The following FMO4 variants were observed in gnomAD, a reference collection of about 807,000 sequenced individuals.
FMO4 encodes dimethylaniline monooxygenase [N-oxide-forming] 4.
In FMO4, 38 loss-of-function variants were observed where a neutral mutation model predicts 43.3. The ratio of observed to expected loss-of-function variants is 0.88; its 90% CI spans 0.68 to 1.15. The LOEUF (loss-of-function observed/expected upper bound fraction) is 1.15. FMO4 is among the 50% of genes most tolerant of loss of function. The probability of loss-of-function intolerance (pLI) is 0.00; values close to 1 mark genes in which losing one functional copy is unlikely to be tolerated. For missense variants in FMO4, 631 were observed against 663.3 expected (o/e 0.95, Z 0.54); for synonymous variants, 224 against 232.2 (o/e 0.96, Z 0.32).
intron 5 of FMO4, among the ~76,000 whole-genome samples, chr1:171,329,288 C>T (rs967039960): frequency 6.6e-5 from 10 of 152,032 alleles, no homozygotes; most frequent in Middle Eastern, 3.2e-3. Context: ...TTCAGAGAGA[C>T]GCTTTGTTAC....
At chr1:171,334,204 G>A (rs1051715278) in intron 7 of FMO4, among the ~76,000 whole-genome samples, 13 of 152,174 alleles carry the variant, frequency 8.5e-5, no homozygotes, top group African/African-American at 3.1e-4. Context: ...AGTAGGTTTA[G>A]TCATTTTCCA....
At chr1:171,330,122 T>C (rs371568449) in intron 5 of FMO4, among the ~76,000 whole-genome samples, 3 of 152,364 alleles carry the variant, frequency 2.0e-5, no homozygotes, top group South Asian at 4.1e-4. Context: ...AATCAATGAC[T>C]GAATAGGAGG....
intron 9 of FMO4, among the ~76,000 whole-genome samples, chr1:171,339,375 T>A (rs1663260447): frequency 6.6e-6 from 1 of 152,196 alleles, no homozygotes; most frequent in African/African-American, 2.4e-5. Flanking sequence ...GACTCAATAC[T>A]GGTATTCTGA....
intron 4 of FMO4, 33 bp downstream of exon 4, chr1:171,323,225 A>G (rs1288539239): frequency 7.0e-7 from 1 of 1,426,172 alleles, no homozygotes; most frequent in Admixed American, 1.8e-5. Flanking sequence ...AGATGAATAG[A>G]TGGGGGCTGG....
At chr1:171,326,028 T>G (rs1297441873) in intron 5 of FMO4, among the ~76,000 whole-genome samples, 1 of 151,476 alleles carries the variant, frequency 6.6e-6, no homozygotes, top group East Asian at 1.9e-4. Context: ...TTGTATTTTT[T>G]GCAGAGACGG....
rs1012046370 is a variant in FMO4, at chr1:171,314,295, T to A, written c.-269T>A. The A allele has an allele frequency of 1.3e-5, 2 of 152,018 alleles. No individual in the cohort carries two copies. The highest frequency in any genetic ancestry group is 1.5e-5 in the Non-Finnish European group (1 of 68,030). The allele number at this position is 152,018 out of a possible 1,614,324, so 9.4% of individuals were successfully genotyped here. On this transcript the variant is annotated 5_prime_UTR_variant, in exon 1 of 10. Coordinates refer to ENST00000367749, the MANE Select transcript of FMO4 (RefSeq NM_002022.3). Reference sequence around the variant, plus strand: ...ACTTTTACAAAAGTCATCTTTCCATTTATTTTTCTTTCAGAAAAAAGAATT... The same window carrying A: ...ACTTTTACAAAAGTCATCTTTCCATATATTTTTCTTTCAGAAAAAAGAATT...
At chr1:171,326,493 C>T (rs971095842) in intron 5 of FMO4, among the ~76,000 whole-genome samples, 1 of 152,156 alleles carries the variant, frequency 6.6e-6, no homozygotes, top group Non-Finnish European at 1.5e-5. Context: ...GAAACATTTC[C>T]AAGTTGCTTT....
At chr1:171,334,784 G>A (rs781440609) in intron 8 of FMO4, 21 bp downstream of exon 8, 11 of 1,434,372 alleles carry the variant, frequency 7.7e-6, no homozygotes, top group East Asian at 4.6e-5. Flanking sequence ...TCTACTGAAA[G>A]TCCTCTCTTT....
intron 1 of FMO4, among the ~76,000 whole-genome samples, chr1:171,315,223 T>C (rs1444014510): frequency 6.6e-6 from 1 of 151,964 alleles, no homozygotes; most frequent in Non-Finnish European, 1.5e-5. Flanking sequence ...ACCCAGGAGG[T>C]GGAGGTTGCA....
At chr1:171,324,400 G>A in intron 5 of FMO4, 100 bp downstream of exon 5, 1 of 871,306 alleles carries the variant, frequency 1.1e-6, no homozygotes, top group Non-Finnish European at 1.7e-6. Flanking sequence ...GATTATAGAT[G>A]GCTTTATATT....
chr1:171,336,312 G>A (rs80002592), intron 8 of FMO4, among the ~76,000 whole-genome samples: 3,416 of 152,186 alleles, frequency 0.022, 121 homozygotes, highest in African/African-American at 0.076. Flanking sequence ...GGGAGTATGG[G>A]TGTTCTAGGA....
chr1:171,336,487 G>C lies in FMO4; in HGVS notation c.1181-869G>C, dbSNP rs896383294. The stretch of plus-strand genomic sequence containing the variant: ...CTAGATGGGAGATTGGGAATGAGCA[G>C]GTCCTCACAACAAAAGCAGACAGAG... On this transcript the variant is annotated intron_variant, in intron 8 of 9. Coordinates refer to ENST00000367749, the MANE Select transcript of FMO4 (RefSeq NM_002022.3). 3.3e-5 allele frequency among the ~76,000 whole-genome samples: 5 copies of C among 152,282 alleles called. No individual in the cohort carries two copies. The East Asian group carries it at 9.7e-4, about 29-fold the overall frequency.
chr1:171,337,619 G>A (rs1293726697), intron 9 of FMO4, among the ~76,000 whole-genome samples, 194 bp downstream of exon 9: 1 of 152,164 alleles, frequency 6.6e-6, no homozygotes, highest in East Asian at 1.9e-4. Context: ...GTCATCTGGG[G>A]ACACCAGGTC....
Position 171,323,160 on chromosome 1 carries a change from C to A in FMO4, c.289C>A (p.His97Asn), listed in dbSNP as rs1227337681. 3 of 1,613,282 alleles carry A rather than the reference C, an allele frequency of 1.9e-6. No individual in the cohort carries two copies. The highest frequency in any genetic ancestry group is 2.5e-6 in the Non-Finnish European group (3 of 1,179,524). Residue 97 changes from histidine to asparagine, a missense_variant, in exon 4 of 10, where the codon CAC (histidine) becomes AAC (asparagine). By Grantham distance (68) the His-to-Asn change is moderately conservative. Coordinates refer to ENST00000367749, the MANE Select transcript of FMO4 (RefSeq NM_002022.3). ...GGACTATCTCCAAGAATTTGCTGAG[C>A]ACTTTGACCTCCTGAAATACATTCA... ...FWDYLQEFAE[H>N]FDLLKYIQFK...
In FMO4 at chr1:171,341,948, C is replaced by T. The variant is rs1243990663; in HGVS notation, c.*109C>T. ...AACTGCTATTAGCCAAATTCAGGCC[C>T]AGTCATCTCCTATCTGAATTATTGT... On this transcript the variant is annotated 3_prime_UTR_variant, in exon 10 of 10. Coordinates refer to ENST00000367749, the MANE Select transcript of FMO4 (RefSeq NM_002022.3). The T allele has an allele frequency of 9.4e-6, 7 of 741,126 alleles. No individual in the cohort carries two copies. Among genetic ancestry groups the T allele is most frequent in the Non-Finnish European group, 1.5e-5 (7 of 457,716 alleles). The allele number at this position is 741,126 out of a possible 1,614,324, so 45.9% of individuals were successfully genotyped here.
Position 171,341,424 on chromosome 1 carries a change from A to AAT in FMO4, c.1263_1264insTA (p.Asp422Ter). The stretch of plus-strand genomic sequence containing the variant: ...TTTTTTCCTCTCAGGGGAGTGTTTA[A>AAT]AGACACCAGCAAAGACAAATTTGAC... On this transcript the variant is annotated frameshift_variant, in exon 10 of 10. Transcript: ENST00000367749. LOFTEE classifies it low-confidence loss of function (END_TRUNC). 6.2e-7 allele frequency: 1 copy of AAT among 1,613,430 alleles called. No individual in the cohort carries two copies. The highest frequency in any genetic ancestry group is 8.5e-7 in the Non-Finnish European group (1 of 1,179,730).
intron 6 of FMO4, among the ~76,000 whole-genome samples, chr1:171,332,418 C>T (rs1662938850): frequency 6.6e-6 from 1 of 152,068 alleles, no homozygotes; most frequent in Admixed American, 6.6e-5. Context: ...ATTTTGCTTA[C>T]ATGTAAAAAA....
chr1:171,328,132 C>T (rs1662742205), intron 5 of FMO4, among the ~76,000 whole-genome samples: 1 of 152,066 alleles, frequency 6.6e-6, no homozygotes, highest in African/African-American at 2.4e-5. Context: ...CCTCCACCTC[C>T]CAGGTTCAAG....
intron 5 of FMO4, among the ~76,000 whole-genome samples, chr1:171,325,786 C>G (rs1274214916): frequency 7.7e-6 from 1 of 130,130 alleles, no homozygotes; most frequent in Admixed American, 8.6e-5. Flanking sequence ...ACCCTTTATT[C>G]CACACTAAAT....
Sources: gnomAD v4.1 joint callset for allele counts (sites outside exome capture counted in the v4.1 genomes callset) on GRCh38, gnomAD v4.1.1 for gene constraint, MANE v1.5 for transcripts, NCBI Gene and HGNC (gene_info 2026-07-23, HGNC 2026-07-21) for gene names.